SMC3: variants seen among roughly 807,000 people sequenced by gnomAD.
SMC3 encodes the protein structural maintenance of chromosomes 3.
SMC3 carries 20 observed loss-of-function variants against 171.8 expected under a neutral mutation model. The observed-to-expected ratio is 0.12, with a 90% CI of 0.08 to 0.17. SMC3 has a LOEUF of 0.17. Ranked by LOEUF, SMC3 falls within the 10% of genes least tolerant of loss-of-function variation. The pLI is 1.00. For missense variants in SMC3, 543 were observed against 1,420.4 expected, an observed-to-expected ratio of 0.38 and a Z score of 9.93; for synonymous variants, 464 against 451.1, an observed-to-expected ratio of 1.03 and a Z score of -0.36.
At position 110,603,263 on chromosome 10, in the gene SMC3, A is replaced by G. The variant is rs1199040244; in HGVS notation, c.3555A>G (p.Lys1185=). The G allele has an allele frequency of 1.2e-6, 2 of 1,601,788 alleles. No individual in the cohort carries two copies. Among genetic ancestry groups the G allele is most frequent in the Non-Finnish European group, 1.7e-6 (2 of 1,170,712 alleles). Reference sequence around the variant, plus strand: ...CTGAACTGCTTGAGTCAGCTGACAAATTCTATGGTGTAAAGTTCAGAAATA... The same window carrying G: ...CTGAACTGCTTGAGTCAGCTGACAAGTTCTATGGTGTAAAGTTCAGAAATA... ...FRPELLESAD[K]FYGVKFRNKV... is the part of the protein sequence containing the mutation. Residue 1185 remains lysine (K), a synonymous_variant, in exon 28 of 29, where the codon AAA becomes AAG. Coordinates refer to ENST00000361804, the MANE Select transcript of SMC3 (RefSeq NM_005445.4).
intron 28 of SMC3, 145 bp downstream of exon 28, chr10:110,603,435 A>G: frequency 1.6e-6 from 1 of 638,622 alleles, no homozygotes; most frequent in South Asian, 2.0e-5. Context: ...CTTTTCCTTC[A>G]AATAACTATG....
chr10:110,603,411 T>A, intron 28 of SMC3, 121 bp downstream of exon 28: 1 of 688,444 alleles, frequency 1.5e-6, no homozygotes, highest in Non-Finnish European at 2.5e-6. Context: ...TCTGATGTCT[T>A]TGTAAAGAAA....
rs1861049321 is a variant in SMC3 at position 110,582,637 on chromosome 10, A to G, written c.799A>G (p.Met267Val). The change falls in exon 10 of 29, where the codon ATG (methionine) becomes GTG (valine). Residue 267 changes from methionine (M) to valine (V), a missense_variant. Physicochemically the swap from Met to Val is conservative, Grantham distance 21. Coordinates refer to ENST00000361804, the MANE Select transcript of SMC3 (RefSeq NM_005445.4). ...TGCTCAGCAGGATGCAAGAGATAAA[A>G]TGGAGGTAAGATTATAAACAAGGTT... ...RDAQQDARDK[M>V]EDIERQVREL... The G allele has an allele frequency of 6.2e-7, 1 of 1,609,134 alleles. No homozygotes were observed. The highest frequency in any genetic ancestry group is 1.7e-5 in the Admixed American group (1 of 59,998).
chr10:110,582,373 C>T (rs528091783), intron 9 of SMC3, among the ~76,000 whole-genome samples, 189 bp from the exon 10 acceptor site: 1 of 152,122 alleles, frequency 6.6e-6, no homozygotes, highest in South Asian at 2.1e-4. Flanking sequence ...TGTAGTATAT[C>T]CTAAACTACA....
At chr10:110,568,619 C>G (rs1860820137) in intron 1 of SMC3, 6 of 311,546 alleles carry the variant, frequency 1.9e-5, no homozygotes, top group Non-Finnish European at 3.6e-5. Context: ...CTTTTATAGA[C>G]TTGCTATTGT....
intron 19 of SMC3, 61 bp from the exon 20 acceptor site, chr10:110,598,078 A>C: frequency 6.7e-7 from 1 of 1,488,916 alleles, no homozygotes; most frequent in East Asian, 2.3e-5. Context: ...TGTGTCTAAA[A>C]AGAATTAAGA....
chr10:110,588,443 A>G (rs1861157898), intron 13 of SMC3, among the ~76,000 whole-genome samples: 1 of 152,248 alleles, frequency 6.6e-6, no homozygotes, highest in Admixed American at 6.5e-5. Flanking sequence ...ATTTACAATT[A>G]CTTTGATATC....
intron 1 of SMC3, chr10:110,568,509 CCTT>C (rs1043706438): frequency 1.9e-4 from 40 of 207,546 alleles, no homozygotes; most frequent in African/African-American, 7.4e-4. Flanking sequence ...TCTGAGCACT[CCTT>C]CTTTGGAACG....
At chr10:110,592,641 TTATG>T (rs757781960) in intron 17 of SMC3, among the ~76,000 whole-genome samples, 12 of 152,232 alleles carry the variant, frequency 7.9e-5, no homozygotes, top group Non-Finnish European at 1.2e-4. Flanking sequence ...TTTAGCCCTT[TTATG>T]TGAGAGATAC....
At chr10:110,577,306 C>G in intron 4 of SMC3, 115 bp from the exon 5 acceptor site, 2 of 761,296 alleles carry the variant, frequency 2.6e-6, no homozygotes, top group East Asian at 5.2e-5. Flanking sequence ...ATGAATCTAG[C>G]AGAAATTTTT....
chr10:110,582,357 TGTAGTTGTA>T (rs972291381), intron 9 of SMC3, among the ~76,000 whole-genome samples, 196 bp from the exon 10 acceptor site: 10 of 13,278 alleles, frequency 7.5e-4, no homozygotes, highest in African/African-American at 9.3e-4. Flanking sequence ...GAAGGCTTCT[TGTAGTTGTA>T]GTATATCCTA....
intron 13 of SMC3, among the ~76,000 whole-genome samples, chr10:110,585,179 C>T (rs1233535305): frequency 1.3e-5 from 2 of 151,988 alleles, no homozygotes; most frequent in Non-Finnish European, 2.9e-5. Context: ...GGGGTTTCTC[C>T]ATGTTGGTCA....
chr10:110,592,091 C>G (rs1355316098), intron 17 of SMC3, among the ~76,000 whole-genome samples: 2 of 152,042 alleles, frequency 1.3e-5, no homozygotes, highest in Admixed American at 1.3e-4. Flanking sequence ...AGGCAAAACC[C>G]TGTCTCTACT....
chr10:110,576,172 A>G (rs1860945873), intron 4 of SMC3, among the ~76,000 whole-genome samples: 1 of 152,226 alleles, frequency 6.6e-6, no homozygotes, highest in Non-Finnish European at 1.5e-5. Flanking sequence ...AAAGTGTTGA[A>G]TCTGTCATAT....
intron 7 of SMC3, among the ~76,000 whole-genome samples, chr10:110,580,702 G>A (rs574437691): frequency 1.3e-5 from 2 of 152,244 alleles, no homozygotes; most frequent in East Asian, 3.9e-4. Context: ...CAAATTTTTG[G>A]ATTTGGGTTG....
Position 110,567,713 on chromosome 10 carries a change from A to G in SMC3, c.-104A>G. 1.4e-6 allele frequency: 2 copies of G among 1,413,702 alleles called. No homozygotes were observed. The highest frequency in any genetic ancestry group is 9.9e-7 in the Non-Finnish European group (1 of 1,005,994). The allele number at this position is 1,413,702 out of a possible 1,614,324, so 87.6% of individuals were successfully genotyped here. A position where few individuals can be genotyped will look rare whatever the true frequency, so the allele number is the denominator to read the frequency against. ...CCATTTTGTTTGGCTGAGGGGAGCG[A>G]GCGGCGCTTTGGGGGAGGGGTCGCG... is the stretch of plus-strand genomic sequence containing the variant. On this transcript the variant is annotated 5_prime_UTR_variant, in exon 1 of 29. Coordinates refer to ENST00000361804, the MANE Select transcript of SMC3 (RefSeq NM_005445.4).
chr10:110,593,010 C>G, intron 17 of SMC3, 63 bp from the exon 18 acceptor site: 2 of 1,304,482 alleles, frequency 1.5e-6, no homozygotes, highest in South Asian at 2.4e-5. Context: ...GATGTAATTT[C>G]ATAATTCTAA....
At chr10:110,598,888 C>T (rs181834837) in intron 20 of SMC3, among the ~76,000 whole-genome samples, 4 of 152,162 alleles carry the variant, frequency 2.6e-5, no homozygotes, top group Admixed American at 2.6e-4. Flanking sequence ...TTATCTGAAG[C>T]ACAATGGAAT....
intron 17 of SMC3, 147 bp downstream of exon 17, chr10:110,591,279 C>T (rs1030944091): frequency 4.8e-6 from 4 of 825,572 alleles, no homozygotes; most frequent in Admixed American, 4.7e-5. Context: ...GACCTTAGTG[C>T]TGAGTGGGTT....
Sources: allele counts gnomAD v4.1 joint callset (sites outside exome capture counted in the v4.1 genomes callset), GRCh38; gene constraint gnomAD v4.1.1; transcripts MANE v1.5; gene names NCBI Gene and HGNC (gene_info 2026-07-23, HGNC 2026-07-21).